PACRG: variants seen among roughly 807,000 people sequenced by gnomAD.
PACRG encodes the protein parkin coregulated.
Under a neutral mutation model 29.7 loss-of-function variants are expected in PACRG, and 29 were observed. That is an observed-to-expected ratio of 0.98 (90% confidence interval 0.73 to 1.33). The LOEUF (loss-of-function observed/expected upper bound fraction) is 1.33. PACRG is among the 40% of genes most tolerant of loss of function. The pLI, the probability that PACRG is intolerant of heterozygous loss-of-function variation, is 0.00. For synonymous variants in PACRG, 116 were observed against 118.7 expected, an observed-to-expected ratio of 0.98 and a Z score of 0.15; for missense variants, 279 against 316.2, an observed-to-expected ratio of 0.88 and a Z score of 0.89.
intron 4 of PACRG, among the ~76,000 whole-genome samples, chr6:163,270,018 G>A: frequency 6.9e-6 from 1 of 144,012 alleles, no homozygotes; most frequent in Admixed American, 6.9e-5. Context: ...GAGGGAGGGA[G>A]GGAGGGAGGA....
At chr6:162,986,069 C>G (rs1802859131) in intron 2 of PACRG, among the ~76,000 whole-genome samples, 1 of 152,110 alleles carries the variant, frequency 6.6e-6, no homozygotes, top group South Asian at 2.1e-4. Flanking sequence ...ATAGTTGACA[C>G]AAGCAAATGG....
chr6:162,934,682 C>A (rs1405343292), intron 2 of PACRG, among the ~76,000 whole-genome samples: 1 of 151,978 alleles, frequency 6.6e-6, no homozygotes, highest in African/African-American at 2.4e-5. Context: ...TATTGTTTAT[C>A]TTTTCAGTCT....
At chr6:162,869,957 T>C (rs919381491) in intron 2 of PACRG, among the ~76,000 whole-genome samples, 1 of 152,240 alleles carries the variant, frequency 6.6e-6, no homozygotes, top group African/African-American at 2.4e-5. Context: ...TAGGAAATTG[T>C]AGTCTATATG....
At chr6:163,144,156 G>A (rs1244928194) in intron 4 of PACRG, among the ~76,000 whole-genome samples, 2 of 146,740 alleles carry the variant, frequency 1.4e-5, no homozygotes, top group Non-Finnish European at 3.0e-5. Context: ...TTAAACCTGG[G>A]AGGCAGAGAT....
chr6:162,791,951 C>T (rs925075788), intron 1 of PACRG, among the ~76,000 whole-genome samples: 14 of 145,750 alleles, frequency 9.6e-5, no homozygotes, highest in Non-Finnish European at 1.4e-4. Context: ...GTGGTAGCAG[C>T]CTTCCGAAGT....
intron 1 of PACRG, among the ~76,000 whole-genome samples, chr6:162,749,371 A>G (rs1781341749): frequency 6.6e-6 from 1 of 152,220 alleles, no homozygotes; most frequent in Admixed American, 6.5e-5. Flanking sequence ...ACATGAAGTT[A>G]TTAATGGCAA....
intron 1 of PACRG, among the ~76,000 whole-genome samples, chr6:162,751,324 C>A (rs1020708219): frequency 6.6e-6 from 1 of 152,044 alleles, no homozygotes; most frequent in Non-Finnish European, 1.5e-5. Context: ...TATAATTTGG[C>A]AACTGTGCAT....
chr6:163,142,817 C>G (rs1777604718), intron 4 of PACRG, among the ~76,000 whole-genome samples: 1 of 152,196 alleles, frequency 6.6e-6, no homozygotes, highest in Middle Eastern at 3.4e-3. Context: ...AAAACATAAC[C>G]CCAACTTCAT....
At chr6:162,951,383 T>C (rs770722961) in intron 2 of PACRG, among the ~76,000 whole-genome samples, 9 of 152,240 alleles carry the variant, frequency 5.9e-5, no homozygotes, top group Non-Finnish European at 8.8e-5. Flanking sequence ...TGAGCCCAGA[T>C]TGACACAGGC....
At chr6:163,158,562 A>G (rs1028229471) in intron 4 of PACRG, among the ~76,000 whole-genome samples, 5 of 152,248 alleles carry the variant, frequency 3.3e-5, no homozygotes, top group African/African-American at 1.2e-4. Context: ...CCGGGTAGTT[A>G]TTCAGAAGTA....
intron 4 of PACRG, among the ~76,000 whole-genome samples, chr6:163,282,742 T>C (rs550123373): frequency 6.6e-6 from 1 of 151,468 alleles, no homozygotes; most frequent in East Asian, 1.9e-4. Context: ...AAGAAATTCA[T>C]CTTAAAGGTT....
At chr6:163,171,364 G>A (rs1779075426) in intron 4 of PACRG, among the ~76,000 whole-genome samples, 2 of 152,324 alleles carry the variant, frequency 1.3e-5, no homozygotes, top group East Asian at 1.9e-4. Context: ...TGCTGACTGG[G>A]CACCAGGCTG....
chr6:162,791,525 A>G (rs1442450637), intron 1 of PACRG, among the ~76,000 whole-genome samples: 1 of 152,120 alleles, frequency 6.6e-6, no homozygotes, highest in Non-Finnish European at 1.5e-5. Flanking sequence ...TGAAAACTGC[A>G]GGAGAGTAGG....
intron 2 of PACRG, among the ~76,000 whole-genome samples, chr6:162,916,614 T>C (rs1796712712): frequency 6.6e-6 from 1 of 152,214 alleles, no homozygotes; most frequent in African/African-American, 2.4e-5. Flanking sequence ...AGCCATGTTC[T>C]ATTGTGATGC....
At chr6:163,030,587 A>G (rs553344621) in intron 2 of PACRG, among the ~76,000 whole-genome samples, 62 of 152,346 alleles carry the variant, frequency 4.1e-4, no homozygotes, top group African/African-American at 1.4e-3. Flanking sequence ...GGGTGAGTCC[A>G]CAGTGCAAAA....
chr6:163,279,127 A>T (rs116257561), intron 4 of PACRG, among the ~76,000 whole-genome samples: 370 of 152,204 alleles, frequency 2.4e-3, no homozygotes, highest in African/African-American at 8.3e-3. Flanking sequence ...TCCCGATTTG[A>T]TTCTCAGCTT....
intron 1 of PACRG, among the ~76,000 whole-genome samples, chr6:162,760,117 C>T (rs9458643): frequency 0.35 from 52,708 of 151,992 alleles, 10,401 homozygotes; most frequent in South Asian, 0.61. Context: ...AGCAGTCAGT[C>T]GTCGGCTACT....
In PACRG at chr6:163,089,424, A is replaced by G. The variant is rs984074160; in HGVS notation, c.613+16A>G. 2 of 1,610,316 alleles carry G rather than the reference A, an allele frequency of 1.2e-6. No homozygotes were observed. Among genetic ancestry groups the G allele is most frequent in the Non-Finnish European group, 1.7e-6 (2 of 1,177,740 alleles). On this transcript the variant is annotated intron_variant, in intron 4 of 4. Coordinates refer to ENST00000366888, the MANE Select transcript of PACRG (RefSeq NM_001080379.2). ...AATATGAATGGTGAGTGAGCCCACG[A>G]GTCAAAATGTCTTTTAAGCCAAAGA... is the stretch of plus-strand genomic sequence containing the variant.
At chr6:162,727,963 G>A (rs937891325), upstream of PACRG, 1 of 600,264 alleles carries the variant, frequency 1.7e-6, no homozygotes, top group African/African-American at 1.9e-5. Context: ...CGCCCGCCGT[G>A]TTGACCAGTC....
Sources: allele counts gnomAD v4.1 joint callset (sites outside exome capture counted in the v4.1 genomes callset), GRCh38; gene constraint gnomAD v4.1.1; transcripts MANE v1.5; gene names NCBI Gene and HGNC (gene_info 2026-07-23, HGNC 2026-07-21).